Variants in CEP112 observed in about 807,000 individuals in gnomAD.
CEP112 encodes centrosomal protein 112.
In CEP112, 127 loss-of-function variants were observed where a neutral mutation model predicts 153.0. The observed-to-expected ratio is 0.83, with a 90% CI of 0.72 to 0.96. CEP112 has a LOEUF of 0.96. Among genes scored for constraint, CEP112 ranks in the 40% least tolerant of loss-of-function variants. The pLI is 0.00. For missense variants in CEP112, 1,089 were observed against 1,101.2 expected (o/e 0.99, Z 0.16); for synonymous variants, 358 against 374.4 (o/e 0.96, Z 0.51).
intron 23 of CEP112, among the ~76,000 whole-genome samples, chr17:65,702,788 A>G (rs931633493): frequency 6.6e-6 from 1 of 152,188 alleles, no homozygotes; most frequent in Non-Finnish European, 1.5e-5. Context: ...GAGCAAAGGC[A>G]CGTCTTACAT....
intron 23 of CEP112, among the ~76,000 whole-genome samples, chr17:65,714,237 T>A (rs75254594): frequency 0.024 from 3,673 of 152,162 alleles, 100 homozygotes; most frequent in African/African-American, 0.063. Flanking sequence ...TGTGTATATA[T>A]CTCTCTTCAT....
intron 21 of CEP112, among the ~76,000 whole-genome samples, chr17:65,751,980 A>G (rs916921514): frequency 6.9e-6 from 1 of 144,314 alleles, no homozygotes; most frequent in Admixed American, 7.1e-5. Context: ...CTATCTATCT[A>G]TCTATCTATC....
intron 21 of CEP112, among the ~76,000 whole-genome samples, chr17:65,795,084 A>G (rs527761906): frequency 6.6e-6 from 1 of 152,194 alleles, no homozygotes; most frequent in Non-Finnish European, 1.5e-5. Context: ...CACAAAACCT[A>G]TGAGGCTGGG....
chr17:65,691,929 C>T (rs2048123313), intron 23 of CEP112, among the ~76,000 whole-genome samples: 1 of 152,192 alleles, frequency 6.6e-6, no homozygotes, highest in South Asian at 2.1e-4. Context: ...AACAACACTC[C>T]AGCCCCGCTG....
At chr17:66,030,071 A>C (rs2065398551) in intron 12 of CEP112, 48 bp from the exon 13 acceptor site, 1 of 1,525,112 alleles carries the variant, frequency 6.6e-7, no homozygotes, top group Non-Finnish European at 9.0e-7. Flanking sequence ...CAGTTGTAAC[A>C]CTTTTGTATC....
At position 66,183,704 on chromosome 17, in the gene CEP112, G is replaced by C. The variant is rs536480441; in HGVS notation, c.-8-397C>G. Among the ~76,000 whole-genome samples the C allele has an allele frequency of 2.0e-5, 3 of 152,102 alleles. No homozygotes were observed. The East Asian group carries it at 5.8e-4, about 29-fold the overall frequency. ...ACATAAACAACTGATTTTCAACAAA[G>C]GTGTGATCCATGAAGAAATGACAGT... On this transcript the variant is annotated intron_variant, in intron 1 of 26. Coordinates refer to ENST00000535342, the MANE Select transcript of CEP112 (RefSeq NM_001199165.4).
At chr17:65,682,619 G>A (rs232109) in intron 24 of CEP112, among the ~76,000 whole-genome samples, 16,923 of 152,150 alleles carry the variant, frequency 0.11, 1,102 homozygotes, top group Admixed American at 0.2. Flanking sequence ...TCAATAAAGA[G>A]TAGACACTCA....
intron 17 of CEP112, among the ~76,000 whole-genome samples, chr17:65,971,456 TA>T (rs1234005659): frequency 1.1e-5 from 1 of 87,188 alleles, no homozygotes; most frequent in African/African-American, 3.7e-5. Flanking sequence ...CATGCATGCA[TA>T]TCACACACAT....
chr17:65,778,699 G>C (rs965816393), intron 21 of CEP112, among the ~76,000 whole-genome samples: 3 of 152,140 alleles, frequency 2.0e-5, no homozygotes, highest in Non-Finnish European at 4.4e-5. Context: ...TTAAAGGTAA[G>C]GCAGAGGGAG....
At chr17:66,180,451 A>C (rs998661196) in intron 2 of CEP112, among the ~76,000 whole-genome samples, 1 of 152,140 alleles carries the variant, frequency 6.6e-6, no homozygotes, top group African/African-American at 2.4e-5. Context: ...ACCTTGAAAG[A>C]GATAAAATGC....
intron 18 of CEP112, among the ~76,000 whole-genome samples, chr17:65,929,258 A>G (rs1005096198): frequency 6.6e-6 from 1 of 152,218 alleles, no homozygotes. Flanking sequence ...GAAAAGTCAA[A>G]GATTCCACCA....
At position 65,668,657 on chromosome 17, in the gene CEP112, G is replaced by GTACT. The variant is rs556495259; in HGVS notation, c.2697+20468_2697+20471dup. Among the ~76,000 whole-genome samples, 189 of 152,300 alleles carry GTACT rather than the reference G, an allele frequency of 1.2e-3. 1 individual carries two copies. Among genetic ancestry groups the GTACT allele is most frequent in the Non-Finnish European group, 2.2e-3 (148 of 68,012 alleles). ...TCTCTCACAACAGCACCAAGTTGAG[G>GTACT]TACTTTCCCTTCTTTCCTGGGATGG... On this transcript the variant is annotated intron_variant, in intron 24 of 26. Transcript: ENST00000535342.
chr17:65,852,094 A>C, intron 20 of CEP112, 60 bp from the exon 21 acceptor site: 1 of 1,169,076 alleles, frequency 8.6e-7, no homozygotes, highest in East Asian at 2.4e-5. Flanking sequence ...ACAAAAGAAG[A>C]ACCAATGGGC....
chr17:65,952,905 T>C (rs775095239), intron 18 of CEP112, among the ~76,000 whole-genome samples: 57 of 152,228 alleles, frequency 3.7e-4, no homozygotes, highest in Non-Finnish European at 3.2e-4. Flanking sequence ...TTATTAGTCA[T>C]TTGTATATCT....
chr17:65,972,829 G>A (rs921616149), intron 17 of CEP112, among the ~76,000 whole-genome samples: 1 of 152,210 alleles, frequency 6.6e-6, no homozygotes, highest in Non-Finnish European at 1.5e-5. Flanking sequence ...ACAGTGGTGT[G>A]ATCTCAGCTC....
At chr17:65,742,158 A>T (rs1038055219) in intron 23 of CEP112, among the ~76,000 whole-genome samples, 1 of 152,124 alleles carries the variant, frequency 6.6e-6, no homozygotes, top group Non-Finnish European at 1.5e-5. Context: ...ACTCTTCCCA[A>T]CGTTACTCAG....
chr17:66,161,819 C>A (rs1360351436), intron 4 of CEP112, among the ~76,000 whole-genome samples: 1 of 150,830 alleles, frequency 6.6e-6, no homozygotes, highest in East Asian at 1.9e-4. Context: ...TATCCCAGAA[C>A]TTAAAGTATA....
chr17:65,867,845 C>T (rs1446815092), intron 20 of CEP112, among the ~76,000 whole-genome samples: 1 of 151,842 alleles, frequency 6.6e-6, no homozygotes. Flanking sequence ...GTTGGAAATA[C>T]TGAGAGATAA....
At chr17:65,919,307 C>T (rs1158901378) in intron 19 of CEP112, among the ~76,000 whole-genome samples, 11 of 152,110 alleles carry the variant, frequency 7.2e-5, no homozygotes, top group Admixed American at 3.3e-4. Context: ...GAAGCATGTA[C>T]GCAGCCTCAG....
Sources: gnomAD v4.1 joint callset for allele counts (sites outside exome capture counted in the v4.1 genomes callset) on GRCh38, gnomAD v4.1.1 for gene constraint, MANE v1.5 for transcripts, NCBI Gene and HGNC (gene_info 2026-07-23, HGNC 2026-07-21) for gene names.